ACOXL: variants seen among roughly 807,000 people sequenced by gnomAD.
The protein encoded by ACOXL is acyl-CoA oxidase like, also known as acyl-coenzyme A oxidase-like protein.
In ACOXL, 70 loss-of-function variants were observed where a neutral mutation model predicts 71.9. The observed-to-expected ratio is 0.97, with a 90% CI of 0.80 to 1.19. The LOEUF is 1.19. Among genes scored for constraint, ACOXL ranks in the 50% most tolerant of loss-of-function variants. ACOXL has a pLI of 0.00. For synonymous variants in ACOXL, 253 were observed against 281.6 expected, an observed-to-expected ratio of 0.90 and a Z score of 1.02; for missense variants, 703 against 736.3, an observed-to-expected ratio of 0.95 and a Z score of 0.52.
rs149846702 is a variant in ACOXL at position 110,837,904 on chromosome 2, C to T, written c.754-3467C>T. Among the ~76,000 whole-genome samples, 183 of 152,322 alleles carry T rather than the reference C, an allele frequency of 1.2e-3. 5 individuals carry two copies. The East Asian group carries it at 0.032, about 27-fold the overall frequency. ...GGCAGCACAAAATCCCTCTGACCTC[C>T]GTGTCCCAGGACCTCAGCCTGGCTG... is the stretch of plus-strand genomic sequence containing the variant. On this transcript the variant is annotated intron_variant, in intron 9 of 17. Coordinates refer to ENST00000439055, the MANE Select transcript of ACOXL (RefSeq NM_001142807.4).
intron 10 of ACOXL, among the ~76,000 whole-genome samples, chr2:110,890,432 T>A (rs1697802061): frequency 6.6e-6 from 1 of 152,108 alleles, no homozygotes; most frequent in Non-Finnish European, 1.5e-5. Context: ...CTTCTAAGAG[T>A]GTTATAGTTT....
chr2:110,931,877 A>G (rs1473548423), intron 11 of ACOXL, among the ~76,000 whole-genome samples: 1 of 152,248 alleles, frequency 6.6e-6, no homozygotes, highest in Non-Finnish European at 1.5e-5. Context: ...CTTCTTACAA[A>G]GCCTGAAATG....
chr2:111,065,983 G>A (rs2067052333), intron 16 of ACOXL, among the ~76,000 whole-genome samples: 2 of 152,120 alleles, frequency 1.3e-5, no homozygotes, highest in South Asian at 2.1e-4. Flanking sequence ...CTTAGAAGAC[G>A]AAACACATGC....
intron 16 of ACOXL, among the ~76,000 whole-genome samples, chr2:111,086,574 G>C (rs1241332065): frequency 6.6e-6 from 1 of 152,148 alleles, no homozygotes; most frequent in East Asian, 1.9e-4. Flanking sequence ...AGGGTTGGCT[G>C]TTGGTTTATT....
rs563214464 is a variant in ACOXL, at chr2:110,956,752, C to G, written c.1059+23110C>G. On this transcript the variant is annotated intron_variant, in intron 12 of 17. Transcript: ENST00000439055. ...AAATTAACAGAATTTCTAATTTGTTCTGATACCTTTATTAAATGTAATCAT... is the reference window on the plus strand; with the variant it reads ...AAATTAACAGAATTTCTAATTTGTTGTGATACCTTTATTAAATGTAATCAT... Among the ~76,000 whole-genome samples the G allele has an allele frequency of 2.4e-3, 366 of 152,300 alleles. 4 individuals are homozygous for G. The highest frequency in any genetic ancestry group is 7.7e-3 in the African/African-American group (320 of 41,552).
chr2:111,104,378 G>A (rs780734963), intron 17 of ACOXL, among the ~76,000 whole-genome samples: 21 of 152,270 alleles, frequency 1.4e-4, no homozygotes, highest in African/African-American at 4.3e-4. Flanking sequence ...TGGGTCGCAC[G>A]GTAGGTGCAT....
rs183761199 is a variant in ACOXL at position 111,111,073 on chromosome 2, C to G, written c.1543-6543C>G. 3.0e-4 allele frequency among the ~76,000 whole-genome samples: 45 copies of G among 152,192 alleles called. No homozygotes were observed. In the East Asian group the frequency reaches 8.7e-3, roughly 29 times the overall value. Reference sequence around the variant, plus strand: ...GTTTGTACTTACAAAACTAAACTATCAGTTGATTAAGTTTTTTTAATTTAT... The same window carrying G: ...GTTTGTACTTACAAAACTAAACTATGAGTTGATTAAGTTTTTTTAATTTAT... On this transcript the variant is annotated intron_variant, in intron 17 of 17. Coordinates refer to ENST00000439055, the MANE Select transcript of ACOXL (RefSeq NM_001142807.4).
intron 16 of ACOXL, among the ~76,000 whole-genome samples, chr2:111,079,367 G>A (rs1202433256): frequency 5.3e-5 from 8 of 152,098 alleles, no homozygotes; most frequent in East Asian, 1.9e-4. Context: ...TTGTCTTTCT[G>A]TGTCTGTTCA....
At chr2:111,047,791 G>T (rs545739636) in intron 15 of ACOXL, among the ~76,000 whole-genome samples, 6 of 152,336 alleles carry the variant, frequency 3.9e-5, no homozygotes, top group African/African-American at 1.4e-4. Context: ...GACTGGGTGG[G>T]TATATGCATT....
intron 16 of ACOXL, among the ~76,000 whole-genome samples, chr2:111,059,586 A>G (rs146130867): frequency 7.5e-4 from 115 of 152,336 alleles, no homozygotes; most frequent in Admixed American, 1.8e-3. Context: ...AACACTGGAC[A>G]TTACGTTTAA....
At chr2:110,976,470 T>G (rs561699597) in intron 12 of ACOXL, among the ~76,000 whole-genome samples, 1 of 152,240 alleles carries the variant, frequency 6.6e-6, no homozygotes, top group Non-Finnish European at 1.5e-5. Flanking sequence ...AAATTATTGA[T>G]CAAGTATGAG....
chr2:110,739,762 C>G (rs1474894457), intron 1 of ACOXL, among the ~76,000 whole-genome samples: 1 of 152,206 alleles, frequency 6.6e-6, no homozygotes, highest in Admixed American at 6.5e-5. Context: ...CCAGTGGCAC[C>G]AGCTAGTTGG....
chr2:111,058,171 G>A (rs2066640076), intron 16 of ACOXL, among the ~76,000 whole-genome samples: 1 of 152,182 alleles, frequency 6.6e-6, no homozygotes, highest in African/African-American at 2.4e-5. Context: ...TTTGGCTCTC[G>A]GAGACTAAAG....
rs1335421488 is a variant in ACOXL at position 110,807,492 on chromosome 2, A to T, written c.753+2097A>T. ...CTGGGTACCCTCGCCTCCAAGTAAC[A>T]AGGCAATGTGCAATGTTTTGCAGAG... is the stretch of plus-strand genomic sequence containing the variant. On this transcript the variant is annotated intron_variant, in intron 9 of 17. Coordinates refer to ENST00000439055, the MANE Select transcript of ACOXL (RefSeq NM_001142807.4). Among the ~76,000 whole-genome samples, 2 of 152,236 alleles carry T rather than the reference A, an allele frequency of 1.3e-5. 1 individual carries two copies. Among genetic ancestry groups the T allele is most frequent in the Non-Finnish European group, 2.9e-5 (2 of 68,042 alleles).
Position 110,995,970 on chromosome 2 carries a change from T to C in ACOXL, c.1247T>C (p.Leu416Pro). ...GCAGTGAAATTTCGTGAAAGGGTTC[T>C]TCAGCGGGGTTTGGTGGCCAGAATT... ...LKAVKFRERV[L>P]QRGLVARIYY... The change falls in exon 14 of 18, where the codon CTT (leucine) becomes CCT (proline). Residue 416 changes from leucine (L) to proline (P), a missense_variant. Coordinates refer to ENST00000439055, the MANE Select transcript of ACOXL (RefSeq NM_001142807.4). 6.3e-7 allele frequency: 1 copy of C among 1,591,464 alleles called. No homozygotes were observed. The highest frequency in any genetic ancestry group is 8.5e-7 in the Non-Finnish European group (1 of 1,179,180).
chr2:110,862,056 T>G (rs1694018473), intron 10 of ACOXL, among the ~76,000 whole-genome samples: 1 of 152,212 alleles, frequency 6.6e-6, no homozygotes, highest in Admixed American at 6.5e-5. Flanking sequence ...CTTCTGTGGT[T>G]GCTGACATAG....
chr2:110,811,785 A>G (rs72832840), intron 9 of ACOXL, among the ~76,000 whole-genome samples: 5,380 of 149,018 alleles, frequency 0.036, 140 homozygotes, highest in African/African-American at 0.053. Flanking sequence ...ACACACACAC[A>G]CGCGGGGAGG....
chr2:110,764,656 T>C (rs1680817058), intron 1 of ACOXL, among the ~76,000 whole-genome samples: 1 of 152,186 alleles, frequency 6.6e-6, no homozygotes, highest in South Asian at 2.1e-4. Flanking sequence ...ATTTGGGTGA[T>C]AATGATGGGT....
At chr2:110,865,433 T>A (rs1694467503) in intron 10 of ACOXL, among the ~76,000 whole-genome samples, 1 of 152,204 alleles carries the variant, frequency 6.6e-6, no homozygotes, top group African/African-American at 2.4e-5. Flanking sequence ...GATTTCACAT[T>A]CTGAAACTAT....
Sources: gnomAD v4.1 joint callset for allele counts (sites outside exome capture counted in the v4.1 genomes callset) on GRCh38, gnomAD v4.1.1 for gene constraint, MANE v1.5 for transcripts, NCBI Gene and HGNC (gene_info 2026-07-23, HGNC 2026-07-21) for gene names.